Variants in INPP5A observed in about 807,000 individuals in gnomAD.
INPP5A encodes inositol polyphosphate-5-phosphatase A, also known as 43 kDa inositol polyphosphate 5-phophatase.
Under a neutral mutation model 65.2 loss-of-function variants are expected in INPP5A, and 14 were observed. The ratio of observed to expected loss-of-function variants is 0.21; its 90% confidence interval spans 0.14 to 0.34. The LOEUF (loss-of-function observed/expected upper bound fraction) is 0.34, where lower values mean the gene tolerates loss of function less well. INPP5A is among the 10% of genes least tolerant of loss of function. INPP5A has a pLI of 1.00. For missense variants in INPP5A, 431 were observed against 545.6 expected (o/e 0.79, Z 2.09); for synonymous variants, 207 against 208.3 (o/e 0.99, Z 0.05).
chr10:132,716,319 C>T (rs145248589), intron 8 of INPP5A, among the ~76,000 whole-genome samples: 11 of 152,330 alleles, frequency 7.2e-5, no homozygotes, highest in South Asian at 2.1e-4. Context: ...GACACAGGCA[C>T]GGATGTTTCT....
chr10:132,746,619 G>T (rs954462866), intron 9 of INPP5A, among the ~76,000 whole-genome samples: 1 of 152,236 alleles, frequency 6.6e-6, no homozygotes, highest in East Asian at 1.9e-4. Flanking sequence ...ATCCACACGC[G>T]TGTGGATGAC....
At chr10:132,742,447 C>G (rs1846291720) in intron 9 of INPP5A, among the ~76,000 whole-genome samples, 1 of 152,176 alleles carries the variant, frequency 6.6e-6, no homozygotes. Flanking sequence ...AGCCCCAGGT[C>G]TGAGCGAGAG....
intron 1 of INPP5A, among the ~76,000 whole-genome samples, chr10:132,543,087 G>A (rs893399863): frequency 1.3e-5 from 2 of 152,144 alleles, no homozygotes; most frequent in Non-Finnish European, 2.9e-5. Flanking sequence ...GGAATCACAG[G>A]TGTGGGCCCT....
intron 8 of INPP5A, among the ~76,000 whole-genome samples, chr10:132,719,367 A>G (rs1291990903): frequency 1.4e-5 from 2 of 146,630 alleles, no homozygotes; most frequent in African/African-American, 2.5e-5. Flanking sequence ...GGCGCCTTAG[A>G]CGGCTGTCTT....
chr10:132,673,725 C>T (rs2072925028), intron 4 of INPP5A, among the ~76,000 whole-genome samples: 1 of 152,250 alleles, frequency 6.6e-6, no homozygotes, highest in Admixed American at 6.5e-5. Context: ...AGAAGCATTG[C>T]ATGCAGGATA....
At chr10:132,742,751 G>C (rs751094274) in intron 9 of INPP5A, among the ~76,000 whole-genome samples, 14 of 152,212 alleles carry the variant, frequency 9.2e-5, no homozygotes, top group Non-Finnish European at 1.9e-4. Flanking sequence ...CTGGTGAACC[G>C]GGGCCCTTGG....
chr10:132,679,516 C>T (rs535321287), intron 4 of INPP5A, among the ~76,000 whole-genome samples: 11 of 151,934 alleles, frequency 7.2e-5, no homozygotes, highest in Non-Finnish European at 1.6e-4. Flanking sequence ...TCGTAGGGTA[C>T]CCTGAGCAGA....
intron 2 of INPP5A, among the ~76,000 whole-genome samples, chr10:132,610,383 G>T (rs757189514): frequency 6.6e-6 from 1 of 152,226 alleles, no homozygotes; most frequent in Non-Finnish European, 1.5e-5. Flanking sequence ...GGGGCGGTTC[G>T]TGAACAGGAA....
chr10:132,722,491 G>T (rs4880422), intron 8 of INPP5A, among the ~76,000 whole-genome samples: 8,888 of 152,256 alleles, frequency 0.058, 375 homozygotes, highest in Middle Eastern at 0.092. Flanking sequence ...GTCACCGTGG[G>T]GCCTCCCACG....
At chr10:132,636,265 G>C (rs751563772) in intron 2 of INPP5A, among the ~76,000 whole-genome samples, 38 of 152,114 alleles carry the variant, frequency 2.5e-4, no homozygotes, top group Non-Finnish European at 4.4e-4. Context: ...GCAGCAACGT[G>C]GATAGAACTT....
At chr10:132,766,116 G>T (rs903283582) in intron 12 of INPP5A, among the ~76,000 whole-genome samples, 4 of 152,054 alleles carry the variant, frequency 2.6e-5, no homozygotes, top group African/African-American at 9.6e-5. Flanking sequence ...ATCTGTGTGT[G>T]CACCTGTGCA....
chr10:132,714,239 C>A (rs955808944), intron 8 of INPP5A, among the ~76,000 whole-genome samples: 1 of 152,188 alleles, frequency 6.6e-6, no homozygotes, highest in African/African-American at 2.4e-5. Context: ...ATGGCTCCTG[C>A]GGCGCGCTCA....
intron 1 of INPP5A, among the ~76,000 whole-genome samples, chr10:132,564,304 T>C (rs1467634554): frequency 5.3e-5 from 8 of 152,100 alleles, no homozygotes; most frequent in African/African-American, 1.9e-4. Flanking sequence ...TTACGGATCT[T>C]ATGGAGGAGT....
chr10:132,686,613 T>A (rs1564964400), intron 4 of INPP5A, among the ~76,000 whole-genome samples: 1 of 152,262 alleles, frequency 6.6e-6, no homozygotes, highest in East Asian at 1.9e-4. Context: ...TCATTACAGC[T>A]AATTATGGAT....
intron 11 of INPP5A, among the ~76,000 whole-genome samples, chr10:132,751,224 G>A (rs975904866): frequency 1.1e-4 from 17 of 152,222 alleles, no homozygotes; most frequent in Non-Finnish European, 2.1e-4. Context: ...CCACACCTCC[G>A]TGGTGCCTGG....
chr10:132,580,581 A>G (rs997711418), intron 1 of INPP5A, among the ~76,000 whole-genome samples: 2 of 152,216 alleles, frequency 1.3e-5, no homozygotes, highest in Non-Finnish European at 2.9e-5. Context: ...GCTTAGGGGA[A>G]AGAGTCACAG....
At chr10:132,761,989 G>A (rs912050102) in intron 11 of INPP5A, among the ~76,000 whole-genome samples, 1 of 152,204 alleles carries the variant, frequency 6.6e-6, no homozygotes, top group Non-Finnish European at 1.5e-5. Context: ...ACTCATAGAA[G>A]TATTATCATT....
chr10:132,650,548 G>A lies in INPP5A; in HGVS notation c.306+43G>A. 1 of 1,430,906 alleles carries A rather than the reference G, an allele frequency of 7.0e-7. No homozygotes were observed. The highest frequency in any genetic ancestry group is 9.8e-7 in the Non-Finnish European group (1 of 1,016,770). 88.6% of individuals were successfully genotyped at this position (1,430,906 alleles called of 1,614,324 possible). ...CCTGGTGCAGGGGTCAGACAGGCTG[G>A]CCTTGGCAGAAGCCAGCCCTTCTCC... On this transcript the variant is annotated intron_variant, in intron 4 of 15. Transcript: ENST00000368594. The surrounding 1 kb of genome is among the most constrained non-coding windows in gnomAD (Gnocchi z 5.5).
intron 1 of INPP5A, among the ~76,000 whole-genome samples, chr10:132,561,763 A>ACACAC (rs1564916631): frequency 1.1e-4 from 11 of 102,484 alleles, no homozygotes; most frequent in African/African-American, 1.6e-4. Context: ...CACACACACA[A>ACACAC]CCCTGCTGGA....
Sources: allele counts gnomAD v4.1 joint callset (sites outside exome capture counted in the v4.1 genomes callset), GRCh38; gene constraint gnomAD v4.1.1; non-coding constraint Gnocchi (gnomAD v3.1); transcripts MANE v1.5; gene names NCBI Gene and HGNC (gene_info 2026-07-23, HGNC 2026-07-21).